Variants in P3H2 observed in about 807,000 individuals in gnomAD.
P3H2 encodes leprecan-like 1.
In P3H2, 80 loss-of-function variants were observed where a neutral mutation model predicts 87.0. The observed-to-expected ratio is 0.92, with a 90% CI of 0.77 to 1.11. The LOEUF is 1.11. P3H2 is among the 50% of genes least tolerant of loss of function. The probability of loss-of-function intolerance (pLI) is 0.00; values close to 1 mark genes in which losing one functional copy is unlikely to be tolerated. For missense variants in P3H2, 1,001 were observed against 923.9 expected (o/e 1.08, Z -1.08); for synonymous variants, 367 against 359.3 (o/e 1.02, Z -0.24).
chr3:190,047,628 C>T (rs566725032), intron 1 of P3H2, among the ~76,000 whole-genome samples: 4 of 152,178 alleles, frequency 2.6e-5, no homozygotes, highest in African/African-American at 9.6e-5. Flanking sequence ...TTTGCAGCAA[C>T]ATGGATGGAA....
intron 1 of P3H2, among the ~76,000 whole-genome samples, chr3:190,080,106 C>A (rs962319202): frequency 6.6e-6 from 1 of 152,038 alleles, no homozygotes; most frequent in African/African-American, 2.4e-5. Context: ...GGAAAGTAAC[C>A]GTAGAATCTT....
rs956647667 is a variant in P3H2, at chr3:189,994,281, C to T, written c.636G>A (p.Glu212=). 3 of 1,606,082 alleles carry T rather than the reference C, an allele frequency of 1.9e-6. No individual in the cohort carries two copies. In the African/African-American group the frequency reaches 4.0e-5, roughly 22 times the overall value. The part of the protein sequence containing the change: ...LVDREAKPHM[E]SYNAGVKHYE... ...AATGTTTAACTCCTGCATTGTAACT[C>T]TCCTGTAATGAAACAGACGGGAAAA... is the stretch of plus-strand genomic sequence containing the variant. Residue 212 remains glutamate (E), a splice_region_variant and synonymous_variant, in exon 3 of 15, where the codon GAG becomes GAA. Transcript: ENST00000319332.
chr3:190,040,017 A>G (rs1472083893), intron 1 of P3H2, among the ~76,000 whole-genome samples: 2 of 152,246 alleles, frequency 1.3e-5, no homozygotes, highest in African/African-American at 4.8e-5. Flanking sequence ...TGGAGAAGTG[A>G]GAGCAGTGAC....
At chr3:190,074,838 C>A (rs1280382789) in intron 1 of P3H2, among the ~76,000 whole-genome samples, 1 of 152,182 alleles carries the variant, frequency 6.6e-6, no homozygotes, top group Non-Finnish European at 1.5e-5. Context: ...TTAAGAAAGA[C>A]CTGAAAGCAC....
intron 1 of P3H2, among the ~76,000 whole-genome samples, chr3:190,087,903 T>A (rs528483327): frequency 6.6e-6 from 1 of 152,344 alleles, no homozygotes; most frequent in South Asian, 2.1e-4. Context: ...TTATTATATA[T>A]CACACATTAA....
intron 1 of P3H2, among the ~76,000 whole-genome samples, chr3:190,013,422 C>G (rs1724656241): frequency 6.6e-6 from 1 of 152,054 alleles, no homozygotes; most frequent in African/African-American, 2.4e-5. Flanking sequence ...AGAAATAAAC[C>G]AATGACAGTT....
Position 189,995,461 on chromosome 3 carries a change from G to A in P3H2, c.481-19C>T, listed in dbSNP as rs1427491199. On this transcript the variant is annotated intron_variant, in intron 1 of 14. Transcript: ENST00000319332. The stretch of plus-strand genomic sequence containing the variant: ...GGTTAAGCTAAAGAGAAAAAAAAAT[G>A]ACCAAAATGAAGGCAAATATTTCCA... 6.2e-7 allele frequency: 1 copy of A among 1,608,572 alleles called. No individual in the cohort carries two copies. Among genetic ancestry groups the A allele is most frequent in the Non-Finnish European group, 8.5e-7 (1 of 1,178,410 alleles).
At chr3:190,040,875 G>A (rs565990791) in intron 1 of P3H2, among the ~76,000 whole-genome samples, 51 of 151,036 alleles carry the variant, frequency 3.4e-4, no homozygotes, top group African/African-American at 9.0e-4. Flanking sequence ...ATATGTTGGC[G>A]TGTGTGACCT....
chr3:190,090,399 T>C (rs1166355717), intron 1 of P3H2, among the ~76,000 whole-genome samples: 1 of 152,134 alleles, frequency 6.6e-6, no homozygotes, highest in Admixed American at 6.5e-5. Context: ...TATTTTAGAC[T>C]CAAAAAATAT....
chr3:190,044,794 A>G (rs1325529677), intron 1 of P3H2, among the ~76,000 whole-genome samples: 2 of 152,202 alleles, frequency 1.3e-5, no homozygotes. Flanking sequence ...TCTAAATGTC[A>G]GGTAAGGCTA....
intron 8 of P3H2, among the ~76,000 whole-genome samples, 172 bp from the exon 9 acceptor site, chr3:189,974,857 A>G (rs559553002): frequency 4.6e-5 from 7 of 152,366 alleles, no homozygotes; most frequent in African/African-American, 1.7e-4. Flanking sequence ...ATATAGATTC[A>G]GGAGAAAGAT....
intron 1 of P3H2, among the ~76,000 whole-genome samples, chr3:190,085,279 T>C (rs1727174790): frequency 6.6e-6 from 1 of 152,242 alleles, no homozygotes; most frequent in Non-Finnish European, 1.5e-5. Flanking sequence ...CTGTTTTTAC[T>C]GAATTTTTAG....
At chr3:189,988,437 C>T (rs899378198) in intron 4 of P3H2, among the ~76,000 whole-genome samples, 1 of 151,796 alleles carries the variant, frequency 6.6e-6, no homozygotes, top group Non-Finnish European at 1.5e-5. Context: ...TACATACACA[C>T]ACACACACAC....
At chr3:189,973,507 CTTTCTTTTTTTTTTTTTT>C (rs1723244817) in intron 10 of P3H2, among the ~76,000 whole-genome samples, 1 of 78,990 alleles carries the variant, frequency 1.3e-5, no homozygotes, top group Non-Finnish European at 2.4e-5. Flanking sequence ...TTCTTTCTTT[CTTTCTTTTTTTTTTTTTT>C]TTTTTTTTTT....
intron 8 of P3H2, among the ~76,000 whole-genome samples, chr3:189,977,268 C>T (rs188462726): frequency 7.0e-4 from 106 of 152,316 alleles, no homozygotes; most frequent in African/African-American, 2.4e-3. Context: ...GAAATTGCAA[C>T]TTCTCTCTTG....
chr3:190,073,139 A>G (rs1726761382), intron 1 of P3H2, among the ~76,000 whole-genome samples: 1 of 152,232 alleles, frequency 6.6e-6, no homozygotes, highest in African/African-American at 2.4e-5. Flanking sequence ...TAAAGAACAG[A>G]TACACCTAAT....
chr3:190,096,109 CAG>C (rs1184671294), intron 1 of P3H2, among the ~76,000 whole-genome samples: 2 of 152,190 alleles, frequency 1.3e-5, no homozygotes, highest in African/African-American at 4.8e-5. Context: ...AGAGCACAAA[CAG>C]AATGTTTACA....
intron 10 of P3H2, among the ~76,000 whole-genome samples, chr3:189,973,363 G>GT: frequency 6.6e-6 from 1 of 152,052 alleles, no homozygotes; most frequent in Non-Finnish European, 1.5e-5. Flanking sequence ...GGGATTGTAT[G>GT]TATTTTTTGT....
chr3:190,003,754 G>C (rs1375561169), intron 1 of P3H2, among the ~76,000 whole-genome samples: 2 of 152,184 alleles, frequency 1.3e-5, no homozygotes, highest in African/African-American at 4.8e-5. Context: ...TAAATGCTAG[G>C]ACAGGGTAAG....
Sources: allele counts gnomAD v4.1 joint callset (sites outside exome capture counted in the v4.1 genomes callset), GRCh38; gene constraint gnomAD v4.1.1; transcripts MANE v1.5; gene names NCBI Gene and HGNC (gene_info 2026-07-23, HGNC 2026-07-21).